IKZF2: variants seen among roughly 807,000 people sequenced by gnomAD.
The protein encoded by IKZF2 is IKAROS family zinc finger 2.
A neutral mutation model predicts 49.2 loss-of-function variants in IKZF2; 15 were observed. The observed-to-expected ratio is 0.30, with a 90% CI of 0.20 to 0.47. The LOEUF is 0.47. Among genes scored for constraint, IKZF2 ranks in the 20% least tolerant of loss-of-function variants. The probability of loss-of-function intolerance (pLI) is 1.00; values close to 1 mark genes in which losing one functional copy is unlikely to be tolerated. For synonymous variants in IKZF2, 227 were observed against 221.4 expected (o/e 1.03, Z -0.23); for missense variants, 567 against 664.6 (o/e 0.85, Z 1.61).
At chr2:213,022,302 A>T (rs1450018270) in intron 6 of IKZF2, among the ~76,000 whole-genome samples, 172 bp from the exon 7 acceptor site, 1 of 152,244 alleles carries the variant, frequency 6.6e-6, no homozygotes, top group Non-Finnish European at 1.5e-5. Context: ...TTCTACCAAG[A>T]CAAAGACAAG....
chr2:213,110,518 A>G (rs1398377774), intron 4 of IKZF2, among the ~76,000 whole-genome samples: 1 of 151,800 alleles, frequency 6.6e-6, no homozygotes, highest in East Asian at 1.9e-4. Context: ...ATATACTTGC[A>G]TAATATTCAA....
intron 4 of IKZF2, among the ~76,000 whole-genome samples, chr2:213,146,993 C>T (rs2061096337): frequency 6.6e-6 from 1 of 151,952 alleles, no homozygotes; most frequent in Admixed American, 6.6e-5. Context: ...AAAAAAGCAA[C>T]CATATTCTTA....
intron 7 of IKZF2, among the ~76,000 whole-genome samples, chr2:213,015,959 G>A (rs1214422265): frequency 6.6e-6 from 1 of 151,764 alleles, no homozygotes; most frequent in South Asian, 2.1e-4. Context: ...ACGAAACCTG[G>A]GTGTGGGAAC....
chr2:213,080,131 G>T lies in IKZF2; in HGVS notation c.140-23032C>A, dbSNP rs75709276. ...ACTCTCCTAAGAGAAAAAGAGATAA[G>T]CCTGAGCTTCTATTTACCCTGAAGT... On this transcript the variant is annotated intron_variant, in intron 4 of 8. Coordinates refer to ENST00000434687, the MANE Select transcript of IKZF2 (RefSeq NM_001387220.1). Among the ~76,000 whole-genome samples the T allele has an allele frequency of 4.2e-3, 638 of 150,440 alleles. 4 individuals carry two copies. The highest frequency in any genetic ancestry group is 6.2e-3 in the Non-Finnish European group (415 of 67,216).
At chr2:213,047,506 CT>C (rs1233821805) in intron 6 of IKZF2, among the ~76,000 whole-genome samples, 1 of 152,104 alleles carries the variant, frequency 6.6e-6, no homozygotes, top group African/African-American at 2.4e-5. Flanking sequence ...CATTTAAAGG[CT>C]TTTTACTCTG....
At chr2:213,099,687 A>G (rs531889403) in intron 4 of IKZF2, among the ~76,000 whole-genome samples, 14 of 152,258 alleles carry the variant, frequency 9.2e-5, no homozygotes, top group Non-Finnish European at 1.6e-4. Flanking sequence ...GAAGCACAAG[A>G]TGTGTAATCA....
chr2:213,093,512 G>A (rs1015496091), intron 4 of IKZF2, among the ~76,000 whole-genome samples: 11 of 152,040 alleles, frequency 7.2e-5, no homozygotes, highest in South Asian at 2.1e-4. Flanking sequence ...CTAAGGACCC[G>A]ATGTTCTTTT....
intron 4 of IKZF2, among the ~76,000 whole-genome samples, chr2:213,135,772 GAAGAC>G (rs1046816643): frequency 2.0e-5 from 3 of 151,788 alleles, no homozygotes; most frequent in East Asian, 1.9e-4. Flanking sequence ...AAAGAGAAGA[GAAGAC>G]AAGACAAGAG....
chr2:213,022,307 G>C (rs1423035166), intron 6 of IKZF2, among the ~76,000 whole-genome samples, 177 bp from the exon 7 acceptor site: 2 of 152,086 alleles, frequency 1.3e-5, no homozygotes, highest in Non-Finnish European at 2.9e-5. Context: ...CCAAGACAAA[G>C]ACAAGAAGAC....
chr2:213,051,445 G>A (rs2125340616), intron 5 of IKZF2, among the ~76,000 whole-genome samples: 1 of 151,696 alleles, frequency 6.6e-6, no homozygotes, highest in East Asian at 1.9e-4. Context: ...TGATAATATT[G>A]GATTGAAAAA....
chr2:213,148,518 A>T (rs2061159214), intron 3 of IKZF2, 78 bp downstream of exon 3: 1 of 966,658 alleles, frequency 1.0e-6, no homozygotes, highest in Admixed American at 2.1e-5. Context: ...ATAAAGTTTC[A>T]TAATCCAGGA....
intron 4 of IKZF2, among the ~76,000 whole-genome samples, chr2:213,096,113 C>A (rs973113288): frequency 1.3e-5 from 2 of 151,884 alleles, no homozygotes; most frequent in Non-Finnish European, 2.9e-5. Flanking sequence ...AAATAGCACC[C>A]ATTCACTAAG....
At chr2:213,107,747 CTT>C (rs1398892699) in intron 4 of IKZF2, among the ~76,000 whole-genome samples, 2 of 152,132 alleles carry the variant, frequency 1.3e-5, no homozygotes, top group African/African-American at 2.4e-5. Context: ...CTTCTAAACT[CTT>C]TGGCGAGATC....
intron 4 of IKZF2, among the ~76,000 whole-genome samples, chr2:213,066,418 T>A (rs948241663): frequency 2.0e-5 from 3 of 152,066 alleles, no homozygotes; most frequent in African/African-American, 7.2e-5. Context: ...CAGGTTTCCA[T>A]ACCCCAGGTT....
chr2:213,085,603 G>C (rs1052884771), intron 4 of IKZF2, among the ~76,000 whole-genome samples: 2 of 152,196 alleles, frequency 1.3e-5, no homozygotes, highest in African/African-American at 2.4e-5. Context: ...AAAAGAATGA[G>C]AGAGTGGATA....
chr2:213,148,639 G>A lies in IKZF2; in HGVS notation c.-10C>T, dbSNP rs774497510. 4 of 1,610,038 alleles carry A rather than the reference G, an allele frequency of 2.5e-6. No homozygotes were observed. The highest frequency in any genetic ancestry group is 2.2e-5 in the East Asian group (1 of 44,816). On this transcript the variant is annotated 5_prime_UTR_variant, in exon 3 of 9. Transcript: ENST00000434687. ...TAGCCTCTGTTTCCATAGTCAAAGT[G>A]CAATGCTGCAAAACAAAAGATTATA...
chr2:213,113,674 G>GT lies in IKZF2; in HGVS notation c.139+34033dup, dbSNP rs1348910317. Among the ~76,000 whole-genome samples the GT allele has an allele frequency of 9.2e-5, 14 of 152,190 alleles. No individual in the cohort carries two copies. In the South Asian group the frequency reaches 1.5e-3, roughly 16 times the overall value. ...AGGTAAGAAGTTTGGTTGTTGCTTG[G>GT]TTTTTTTCCCCTTATCTCTCTTTCT... On this transcript the variant is annotated intron_variant, in intron 4 of 8. Coordinates refer to ENST00000434687, the MANE Select transcript of IKZF2 (RefSeq NM_001387220.1).
intron 4 of IKZF2, among the ~76,000 whole-genome samples, chr2:213,124,692 T>A (rs115589273): frequency 0.016 from 2,391 of 152,342 alleles, 34 homozygotes; most frequent in South Asian, 0.059. Context: ...ACAACTTATT[T>A]CCTGAATAAG....
At chr2:213,082,555 T>C (rs1230955839) in intron 4 of IKZF2, among the ~76,000 whole-genome samples, 1 of 152,224 alleles carries the variant, frequency 6.6e-6, no homozygotes, top group Non-Finnish European at 1.5e-5. Flanking sequence ...TAAGTCAACT[T>C]TAAAACTCTA....
Sources: allele counts gnomAD v4.1 joint callset (sites outside exome capture counted in the v4.1 genomes callset), GRCh38; gene constraint gnomAD v4.1.1; transcripts MANE v1.5; gene names NCBI Gene and HGNC (gene_info 2026-07-23, HGNC 2026-07-21).